The following FLVCR2 variants were observed in gnomAD, a reference collection of about 807,000 sequenced individuals.
FLVCR2 encodes the protein choline/ethanolamine transporter FLVCR2.
FLVCR2 carries 38 observed loss-of-function variants against 48.9 expected under a neutral mutation model. That is an observed-to-expected ratio of 0.78 (90% CI 0.60 to 1.02). The LOEUF is 1.02. Ranked by LOEUF, FLVCR2 falls within the 50% of genes least tolerant of loss-of-function variation. The pLI, the probability that FLVCR2 is intolerant of heterozygous loss-of-function variation, is 0.00. For missense variants in FLVCR2, 664 were observed against 663.3 expected (o/e 1.00, Z -0.01); for synonymous variants, 255 against 257.0 (o/e 0.99, Z 0.07).
intron 3 of FLVCR2, among the ~76,000 whole-genome samples, chr14:75,625,270 A>T (rs1231811429): frequency 6.6e-6 from 1 of 152,044 alleles, no homozygotes; most frequent in East Asian, 1.9e-4. Flanking sequence ...CTCCTCAACC[A>T]GTCCTCCCTC....
At chr14:75,592,841 G>A (rs1888919736) in intron 1 of FLVCR2, among the ~76,000 whole-genome samples, 1 of 151,744 alleles carries the variant, frequency 6.6e-6, no homozygotes, top group South Asian at 2.1e-4. Context: ...AAAAAAAAAA[G>A]AAATTTCTCC....
intron 1 of FLVCR2, among the ~76,000 whole-genome samples, chr14:75,589,087 A>G (rs540368582): frequency 6.6e-6 from 1 of 152,194 alleles, no homozygotes; most frequent in East Asian, 1.9e-4. Flanking sequence ...ATGGTTGCAC[A>G]TGCCTGTAGT....
At chr14:75,589,947 G>T (rs187921294) in intron 1 of FLVCR2, among the ~76,000 whole-genome samples, 1 of 152,216 alleles carries the variant, frequency 6.6e-6, no homozygotes, top group Non-Finnish European at 1.5e-5. Flanking sequence ...TGACTATCTG[G>T]AAACCTTGCT....
chr14:75,598,665 T>A (rs1889084600), intron 1 of FLVCR2, among the ~76,000 whole-genome samples: 1 of 151,986 alleles, frequency 6.6e-6, no homozygotes. Context: ...TTGTAGAATC[T>A]GGGTCTCACT....
intron 1 of FLVCR2, among the ~76,000 whole-genome samples, chr14:75,596,412 T>G (rs890480662): frequency 2.0e-5 from 3 of 152,140 alleles, no homozygotes; most frequent in Non-Finnish European, 4.4e-5. Flanking sequence ...GAAGCAGGCC[T>G]AGTAAAAATG....
chr14:75,585,983 C>T (rs569613496), intron 1 of FLVCR2, among the ~76,000 whole-genome samples: 14 of 152,176 alleles, frequency 9.2e-5, no homozygotes, highest in South Asian at 4.1e-4. Flanking sequence ...GACCCGAGGT[C>T]GTAGGTGGAT....
chr14:75,590,546 G>A (rs770724490), intron 1 of FLVCR2, among the ~76,000 whole-genome samples: 3 of 152,204 alleles, frequency 2.0e-5, no homozygotes, highest in Non-Finnish European at 4.4e-5. Context: ...CCCCAGTATT[G>A]GAGGTGGGGC....
At chr14:75,595,524 A>G (rs1594793995) in intron 1 of FLVCR2, among the ~76,000 whole-genome samples, 1 of 152,210 alleles carries the variant, frequency 6.6e-6, no homozygotes, top group Admixed American at 6.5e-5. Flanking sequence ...TCTTGTTCCA[A>G]AGTCATGGCC....
At chr14:75,636,843 A>C (rs1398135116) in intron 5 of FLVCR2, among the ~76,000 whole-genome samples, 6 of 152,182 alleles carry the variant, frequency 3.9e-5, no homozygotes, top group Non-Finnish European at 4.4e-5. Flanking sequence ...CTGGGACTAC[A>C]AATAGTTTTT....
intron 1 of FLVCR2, chr14:75,605,870 T>C (rs924715918): frequency 1.4e-5 from 7 of 515,770 alleles, no homozygotes; most frequent in Non-Finnish European, 2.5e-5. Context: ...TTCTCTCCCC[T>C]GGAAACTCCT....
At chr14:75,588,068 G>A (rs559914445) in intron 1 of FLVCR2, among the ~76,000 whole-genome samples, 1 of 152,306 alleles carries the variant, frequency 6.6e-6, no homozygotes, top group African/African-American at 2.4e-5. Context: ...AAATTTTCTA[G>A]CAGCCGCATT....
At chr14:75,616,022 ATC>A (rs1889604514) in intron 1 of FLVCR2, among the ~76,000 whole-genome samples, 1 of 118,748 alleles carries the variant, frequency 8.4e-6, no homozygotes, top group Non-Finnish European at 1.7e-5. Flanking sequence ...GTGAGACTCC[ATC>A]TCAAAAAAAA....
At chr14:75,636,195 C>T (rs867161659) in intron 5 of FLVCR2, among the ~76,000 whole-genome samples, 2 of 152,290 alleles carry the variant, frequency 1.3e-5, no homozygotes, top group Middle Eastern at 3.4e-3. Context: ...TGTCTGCAGG[C>T]AACAGACAGT....
Position 75,641,898 on chromosome 14 carries a change from C to T in FLVCR2, c.1509C>T (p.Asn503=), listed in dbSNP as rs549593680. The change falls in exon 9 of 10, where the codon AAC becomes AAT. Residue 503 remains asparagine (N), a splice_region_variant and synonymous_variant. Transcript: ENST00000238667. ...AAGCAAACAAAGAAACTCTTGAGAA[C>T]GTGAGTATATGGGAGCTTTGTGGGG... ...RQKANKETLE[N]KLQEEEEESN... is the part of the protein sequence containing the mutation. The T allele has an allele frequency of 9.9e-6, 16 of 1,613,774 alleles. No individual in the cohort carries two copies. The African/African-American group carries it at 1.2e-4, about 12-fold the overall frequency.
intron 1 of FLVCR2, among the ~76,000 whole-genome samples, chr14:75,620,212 A>G (rs1889729033): frequency 6.6e-6 from 1 of 152,194 alleles, no homozygotes; most frequent in African/African-American, 2.4e-5. Context: ...AGTCTTGAAG[A>G]TGAGCAGTAG....
chr14:75,636,241 G>A (rs1378676423), intron 5 of FLVCR2, among the ~76,000 whole-genome samples: 2 of 152,218 alleles, frequency 1.3e-5, no homozygotes, highest in Non-Finnish European at 2.9e-5. Flanking sequence ...ACCCGCTTCT[G>A]TGAGGCCCTG....
intron 4 of FLVCR2, among the ~76,000 whole-genome samples, chr14:75,634,036 T>G (rs1017695736): frequency 2.6e-5 from 4 of 152,236 alleles, no homozygotes; most frequent in Admixed American, 2.0e-4. Flanking sequence ...CATAATTATA[T>G]GTGATACATG....
intron 8 of FLVCR2, 110 bp from the exon 9 acceptor site, chr14:75,641,733 T>G (rs1890311990): frequency 1.0e-6 from 1 of 1,001,250 alleles, no homozygotes; most frequent in African/African-American, 1.6e-5. Flanking sequence ...CTTGACTATC[T>G]GAAGTAAGTT....
intron 3 of FLVCR2, among the ~76,000 whole-genome samples, chr14:75,625,454 A>T (rs1250536869): frequency 6.6e-6 from 1 of 151,948 alleles, no homozygotes; most frequent in Non-Finnish European, 1.5e-5. Flanking sequence ...TGTTGGATCG[A>T]ACAAGGGCAA....
Sources: gnomAD v4.1 joint callset for allele counts (sites outside exome capture counted in the v4.1 genomes callset) on GRCh38, gnomAD v4.1.1 for gene constraint, MANE v1.5 for transcripts, NCBI Gene and HGNC (gene_info 2026-07-23, HGNC 2026-07-21) for gene names.